The following DGKK variants were observed in gnomAD, a reference collection of about 807,000 sequenced individuals.
DGKK encodes diacylglycerol kinase kappa.
DGKK carries 35 observed loss-of-function variants against 92.2 expected under a neutral mutation model. The ratio of observed to expected loss-of-function variants is 0.38; its 90% CI spans 0.29 to 0.50. The LOEUF (loss-of-function observed/expected upper bound fraction) is 0.50. Among genes scored for constraint, DGKK ranks in the 20% least tolerant of loss-of-function variants. The pLI, the probability that DGKK is intolerant of heterozygous loss-of-function variation, is 0.92. For missense variants in DGKK, 910 were observed against 992.2 expected (o/e 0.92, Z 1.11); for synonymous variants, 368 against 360.6 (o/e 1.02, Z -0.23).
intron 4 of DGKK, among the ~76,000 whole-genome samples, chrX:50,410,524 TAG>T (rs1925277260): frequency 8.9e-6 from 1 of 111,833 alleles, no homozygotes; most frequent in African/African-American, 3.3e-5. Context: ...AAATGTAAGA[TAG>T]AGAGTGACAT....
chrX:50,432,219 TCTC>T (rs1480490516), intron 1 of DGKK, among the ~76,000 whole-genome samples: 5 of 111,857 alleles, frequency 4.5e-5, no homozygotes, highest in African/African-American at 1.6e-4. Context: ...TATCTGCAAA[TCTC>T]CTCCCACTGC....
chrX:50,383,973 C>T (rs1924474873), intron 17 of DGKK, among the ~76,000 whole-genome samples, 195 bp downstream of exon 17: 1 of 112,158 alleles, frequency 8.9e-6, no homozygotes, highest in African/African-American at 3.2e-5. Context: ...ATAAATACAG[C>T]AAACCCATGA....
chrX:50,429,848 C>A (rs1243261343), intron 1 of DGKK, among the ~76,000 whole-genome samples: 1 of 112,013 alleles, frequency 8.9e-6, no homozygotes, highest in Non-Finnish European at 1.9e-5. Flanking sequence ...AAGTGACAGT[C>A]CAAGATTGAC....
chrX:50,411,862 C>G (rs1158390105), intron 4 of DGKK, among the ~76,000 whole-genome samples: 2 of 111,631 alleles, frequency 1.8e-5, no homozygotes, highest in Non-Finnish European at 3.8e-5. Context: ...AACTGATAAA[C>G]AAATTCAGTA....
intron 4 of DGKK, among the ~76,000 whole-genome samples, chrX:50,415,868 T>C (rs1233869607): frequency 1.8e-5 from 2 of 112,234 alleles, no homozygotes; most frequent in South Asian, 7.4e-4. Flanking sequence ...GATGATACTT[T>C]AGACTTTATA....
chrX:50,400,529 A>T (rs188358570), intron 8 of DGKK, among the ~76,000 whole-genome samples: 102 of 112,333 alleles, frequency 9.1e-4, no homozygotes, highest in African/African-American at 2.9e-3. Flanking sequence ...GGCAATGCCC[A>T]TGTCTTAGAT....
At chrX:50,378,789 C>G in intron 20 of DGKK, 98 bp from the exon 21 acceptor site, 1 of 646,291 alleles carries the variant, frequency 1.5e-6, no homozygotes, top group Non-Finnish European at 2.4e-6. Flanking sequence ...GAGAATTTTT[C>G]TAGCTCATGA....
At chrX:50,464,189 G>A (rs1265533856) in intron 1 of DGKK, among the ~76,000 whole-genome samples, 2 of 99,712 alleles carry the variant, frequency 2.0e-5, no homozygotes, top group African/African-American at 7.4e-5. Flanking sequence ...ATGGGTCTTT[G>A]TGACATTGAA....
intron 23 of DGKK, 84 bp from the exon 24 acceptor site, chrX:50,376,249 G>GT (rs1924270038): frequency 9.6e-7 from 1 of 1,044,252 alleles, no homozygotes. Context: ...TTGGGTAAGG[G>GT]TAGAAGTGAA....
intron 7 of DGKK, among the ~76,000 whole-genome samples, chrX:50,402,103 G>T (rs781783493): frequency 8.9e-6 from 1 of 111,829 alleles, no homozygotes; most frequent in African/African-American, 3.3e-5. Context: ...AGGCATGGTA[G>T]TGTTGTAGTT....
intron 24 of DGKK, among the ~76,000 whole-genome samples, chrX:50,375,492 A>C (rs1051094720): frequency 9.0e-6 from 1 of 111,706 alleles, no homozygotes; most frequent in Non-Finnish European, 1.9e-5. Flanking sequence ...TCCAACTGTA[A>C]TCAGGCCCTG....
At chrX:50,406,391 C>A (rs1295289327) in intron 4 of DGKK, among the ~76,000 whole-genome samples, 1 of 111,691 alleles carries the variant, frequency 9.0e-6, no homozygotes, top group Non-Finnish European at 1.9e-5. Context: ...TGTTCAAGTC[C>A]TAACCCTTGG....
In DGKK at chrX:50,367,907, G is replaced by A. The variant is rs1190184797; in HGVS notation, c.*1033C>T. On this transcript the variant is annotated 3_prime_UTR_variant, in exon 28 of 28. Transcript: ENST00000611977. Reference sequence around the variant, plus strand: ...CTAAGACGCTGAAAATGCACCAAAAGATTTAGAAGCTCCACCAAGAAATAG... The same window carrying A: ...CTAAGACGCTGAAAATGCACCAAAAAATTTAGAAGCTCCACCAAGAAATAG... 9.1e-6 allele frequency: 1 copy of A among 109,933 alleles called. No individual in the cohort carries two copies. Among genetic ancestry groups the A allele is most frequent in the Non-Finnish European group, 1.9e-5 (1 of 52,694 alleles). The allele number at this position is 109,933 out of a possible 1,213,427, so 9.1% of individuals were successfully genotyped here. A position where few individuals can be genotyped will look rare whatever the true frequency, so the allele number is the denominator to read the frequency against.
At position 50,368,796 on chromosome X, in the gene DGKK, A is replaced by C; in HGVS notation, c.*144T>G. ...TAAGGAGACCAGATTAAGTCCAGGA[A>C]AATGCATTAGTGAAAAGAATTGGAG... On this transcript the variant is annotated 3_prime_UTR_variant, in exon 28 of 28. Coordinates refer to ENST00000611977, the MANE Select transcript of DGKK (RefSeq NM_001013742.4). The C allele has an allele frequency of 4.0e-5, 18 of 449,545 alleles. No homozygotes were observed. The highest frequency in any genetic ancestry group is 4.0e-5 in the East Asian group (1 of 24,977). 37.0% of individuals were successfully genotyped at this position (449,545 alleles called of 1,213,427 possible). A position where few individuals can be genotyped will look rare whatever the true frequency, so the allele number is the denominator to read the frequency against.
At chrX:50,448,296 T>C (rs1009693244) in intron 1 of DGKK, among the ~76,000 whole-genome samples, 1 of 111,066 alleles carries the variant, frequency 9.0e-6, no homozygotes, top group Admixed American at 9.6e-5. Flanking sequence ...TTTGATCTTC[T>C]GGGAGCTCCC....
chrX:50,411,711 G>A (rs1925310261), intron 4 of DGKK, among the ~76,000 whole-genome samples: 1 of 111,617 alleles, frequency 9.0e-6, no homozygotes, highest in Non-Finnish European at 1.9e-5. Flanking sequence ...ATTGTCATAT[G>A]TAAAAACCAG....
chrX:50,460,481 C>T (rs1478222192), intron 1 of DGKK, among the ~76,000 whole-genome samples: 4 of 111,304 alleles, frequency 3.6e-5, no homozygotes, highest in Non-Finnish European at 5.7e-5. Flanking sequence ...GCATATCTCT[C>T]AGTATCCTAC....
intron 4 of DGKK, 105 bp from the exon 5 acceptor site, chrX:50,404,289 T>G (rs1557227003): frequency 1.1e-6 from 1 of 874,341 alleles, no homozygotes; most frequent in African/African-American, 2.1e-5. Flanking sequence ...GCTGTATAGG[T>G]GTCAGAGCGT....
chrX:50,424,728 C>T (rs1557229507), intron 1 of DGKK, among the ~76,000 whole-genome samples: 1 of 111,580 alleles, frequency 9.0e-6, no homozygotes, highest in African/African-American at 3.3e-5. Flanking sequence ...TGGAAGTCTC[C>T]AGATTGTAGC....
Sources: gnomAD v4.1 joint callset for allele counts (sites outside exome capture counted in the v4.1 genomes callset) on GRCh38, gnomAD v4.1.1 for gene constraint, MANE v1.5 for transcripts, NCBI Gene and HGNC (gene_info 2026-07-23, HGNC 2026-07-21) for gene names.